NECAB2: variants seen among roughly 807,000 people sequenced by gnomAD.
The protein encoded by NECAB2 is N-terminal EF-hand calcium-binding protein 2.
A neutral mutation model predicts 51.9 loss-of-function variants in NECAB2; 68 were observed. That is an observed-to-expected ratio of 1.31 (90% CI 1.08 to 1.60). The LOEUF (loss-of-function observed/expected upper bound fraction) is 1.60. NECAB2 is among the 40% of genes most tolerant of loss of function. The pLI is 0.00. For synonymous variants in NECAB2, 329 were observed against 203.5 expected (o/e 1.62, Z -5.25); for missense variants, 854 against 490.3 (o/e 1.74, Z -7.00).
intron 2 of NECAB2, among the ~76,000 whole-genome samples, chr16:83,974,299 T>C (rs538317695): frequency 2.4e-4 from 36 of 152,276 alleles, no homozygotes; most frequent in Non-Finnish European, 4.3e-4. Flanking sequence ...TTCTGCAGTC[T>C]CAGTTTCCTT....
At chr16:83,994,479 G>C in intron 7 of NECAB2, 59 bp downstream of exon 7, 1 of 1,597,154 alleles carries the variant, frequency 6.3e-7, no homozygotes, top group Non-Finnish European at 8.6e-7. Flanking sequence ...GGAGTTCTGA[G>C]AGTCCTCTGA....
chr16:83,989,380 C>A (rs574931738), intron 5 of NECAB2, among the ~76,000 whole-genome samples: 6 of 152,322 alleles, frequency 3.9e-5, no homozygotes, highest in South Asian at 4.1e-4. Context: ...TTCTCATGTG[C>A]CCCTCCTCCT....
intron 2 of NECAB2, among the ~76,000 whole-genome samples, chr16:83,977,252 C>T (rs1222221528): frequency 6.6e-6 from 1 of 152,120 alleles, no homozygotes; most frequent in Non-Finnish European, 1.5e-5. Context: ...TTGTCTCTGA[C>T]CTCCATGCCA....
At chr16:83,974,995 A>G (rs1156339025) in intron 2 of NECAB2, among the ~76,000 whole-genome samples, 214 of 75,018 alleles carry the variant, frequency 2.9e-3, no homozygotes, top group South Asian at 6.0e-3. Context: ...TGGGTGCGGG[A>G]ATGTGAACCG....
At position 83,998,226 on chromosome 16, in the gene NECAB2, G is replaced by C; in HGVS notation, c.871G>C (p.Glu291Gln). The change falls in exon 10 of 13, where the codon GAG (glutamate) becomes CAG (glutamine). Residue 291 changes from glutamate (E) to glutamine (Q), a missense_variant. Coordinates refer to ENST00000305202, the MANE Select transcript of NECAB2 (RefSeq NM_019065.3). ...TNMHLQLVRQ[E>Q]MAVCPEQLSE... ...GCAGCACCTGCAGCTGGTCCGGCAG[G>C]AGATGGCCGTGTGCCCCGAGCAACT... is the stretch of plus-strand genomic sequence containing the variant. 6.2e-7 allele frequency: 1 copy of C among 1,611,254 alleles called. No homozygotes were observed. The highest frequency in any genetic ancestry group is 1.1e-5 in the South Asian group (1 of 91,068).
At chr16:83,999,661 A>C (rs917675075) in intron 10 of NECAB2, among the ~76,000 whole-genome samples, 1 of 152,060 alleles carries the variant, frequency 6.6e-6, no homozygotes, top group African/African-American at 2.4e-5. Context: ...GGGGCGGCAT[A>C]GACTATCAGC....
At chr16:83,975,315 C>T (rs1375238511) in intron 2 of NECAB2, among the ~76,000 whole-genome samples, 1 of 150,644 alleles carries the variant, frequency 6.6e-6, no homozygotes, top group South Asian at 2.1e-4. Flanking sequence ...AGCAGGTGTG[C>T]AGGGAGGTGT....
chr16:83,986,837 T>G (rs1210277415), intron 5 of NECAB2, among the ~76,000 whole-genome samples: 1 of 152,144 alleles, frequency 6.6e-6, no homozygotes, highest in Non-Finnish European at 1.5e-5. Context: ...GAGAACTCTT[T>G]GAATTATTAT....
rs1248904675 is a variant in NECAB2 at position 83,990,566 on chromosome 16, C to T, written c.532C>T (p.Gln178Ter). 2 of 1,614,152 alleles carry T rather than the reference C, an allele frequency of 1.2e-6. No individual in the cohort carries two copies. The highest frequency in any genetic ancestry group is 2.2e-5 in the East Asian group (1 of 44,846). ...FLLKETANQIQSLLSSVESAV... is the reference protein window; with the variant it reads ...FLLKETANQI ...CCTGAAGGAGACGGCCAATCAGATC[C>T]AGTCGCTGCTGAGCTCAGTGGAGAG... Residue 178 changes from glutamine (Q) to a stop codon, truncating the protein, a stop_gained, in exon 6 of 13, where the codon CAG becomes TAG. Coordinates refer to ENST00000305202, the MANE Select transcript of NECAB2 (RefSeq NM_019065.3). LOFTEE classifies it high-confidence loss of function.
intron 5 of NECAB2, among the ~76,000 whole-genome samples, 175 bp from the exon 6 acceptor site, chr16:83,990,319 T>C (rs8064021): frequency 0.057 from 8,669 of 152,302 alleles, 818 homozygotes; most frequent in African/African-American, 0.2. Flanking sequence ...CTCTAGCCTC[T>C]GCGTTGGAAA....
chr16:83,998,319 T>A lies in NECAB2; in HGVS notation c.962+2T>A. 6.2e-7 allele frequency: 1 copy of A among 1,613,068 alleles called. No homozygotes were observed. Among genetic ancestry groups the A allele is most frequent in the Non-Finnish European group, 8.5e-7 (1 of 1,179,814 alleles). ...CACTGGCGTGAGGAACTGCTTCCAGTGAGTGAGCTGCCGAGGCGTGGGTGG... is the reference window on the plus strand; with the variant it reads ...CACTGGCGTGAGGAACTGCTTCCAGAGAGTGAGCTGCCGAGGCGTGGGTGG... On this transcript the variant is annotated splice_donor_variant, in intron 10 of 12. Transcript: ENST00000305202. LOFTEE classifies it high-confidence loss of function.
At chr16:83,987,083 A>G (rs1388396536) in intron 5 of NECAB2, among the ~76,000 whole-genome samples, 1 of 152,222 alleles carries the variant, frequency 6.6e-6, no homozygotes, top group African/African-American at 2.4e-5. Context: ...CCCTCCTGTA[A>G]CAAGTTCTCA....
rs2084442203 is a variant in NECAB2 at position 83,978,424 on chromosome 16, C to T, written c.227-20C>T. ...TATCTCTGCAGACACCAGCTCCTTTCTCTGCTTCCTTCCTTGCAGATGATG... is the reference window on the plus strand; with the variant it reads ...TATCTCTGCAGACACCAGCTCCTTTTTCTGCTTCCTTCCTTGCAGATGATG... On this transcript the variant is annotated intron_variant, in intron 2 of 12. Transcript: ENST00000305202. 1.9e-6 allele frequency: 3 copies of T among 1,604,630 alleles called. No individual in the cohort carries two copies. The highest frequency in any genetic ancestry group is 3.3e-5 in the Admixed American group (2 of 59,962).
chr16:83,995,153 T>A (rs1207684911), intron 8 of NECAB2, among the ~76,000 whole-genome samples: 1 of 152,226 alleles, frequency 6.6e-6, no homozygotes, highest in Admixed American at 6.5e-5. Flanking sequence ...ATATGGGACG[T>A]CCACAGGTGA....
At chr16:83,977,383 A>C (rs2084424984) in intron 2 of NECAB2, among the ~76,000 whole-genome samples, 1 of 152,066 alleles carries the variant, frequency 6.6e-6, no homozygotes, top group Non-Finnish European at 1.5e-5. Flanking sequence ...GAAGGAGCTG[A>C]GGGTGGAAGC....
chr16:83,999,415 A>T (rs943354623), intron 10 of NECAB2, among the ~76,000 whole-genome samples: 5 of 152,072 alleles, frequency 3.3e-5, no homozygotes, highest in Non-Finnish European at 7.4e-5. Flanking sequence ...GGCACGGTGG[A>T]CGTAGAGGCT....
chr16:83,972,183 T>G lies in NECAB2; in HGVS notation c.226+8T>G. 1.2e-6 allele frequency: 2 copies of G among 1,613,570 alleles called. No individual in the cohort carries two copies. The highest frequency in any genetic ancestry group is 1.7e-6 in the Non-Finnish European group (2 of 1,180,016). ...GCCGTGCGGACAAAAATGGTGAGTTTCCCTTCCAGGCCGACGGCCGCCCCA... is the reference window on the plus strand; with the variant it reads ...GCCGTGCGGACAAAAATGGTGAGTTGCCCTTCCAGGCCGACGGCCGCCCCA... On this transcript the variant is annotated splice_region_variant and intron_variant, in intron 2 of 12. Coordinates refer to ENST00000305202, the MANE Select transcript of NECAB2 (RefSeq NM_019065.3).
intron 5 of NECAB2, among the ~76,000 whole-genome samples, chr16:83,987,962 T>C: frequency 6.6e-6 from 1 of 152,264 alleles, no homozygotes; most frequent in African/African-American, 2.4e-5. Context: ...GTTATAACTT[T>C]ATGCCTTTTA....
At chr16:84,000,585 C>T (rs768582127) in intron 10 of NECAB2, 139 bp from the exon 11 acceptor site, 27 of 632,456 alleles carry the variant, frequency 4.3e-5, no homozygotes, top group South Asian at 2.0e-4. Context: ...TGTCGAGTCT[C>T]GATGGAGGTC....
Sources: gnomAD v4.1 joint callset for allele counts (sites outside exome capture counted in the v4.1 genomes callset) on GRCh38, gnomAD v4.1.1 for gene constraint, MANE v1.5 for transcripts, NCBI Gene and HGNC (gene_info 2026-07-23, HGNC 2026-07-21) for gene names.